The following EPHA6 variants were observed in gnomAD, a reference collection of about 807,000 sequenced individuals.
EPHA6 encodes ephrin type-A receptor 6.
A neutral mutation model predicts 112.0 loss-of-function variants in EPHA6; 50 were observed. The ratio of observed to expected loss-of-function variants is 0.45; its 90% CI spans 0.36 to 0.56. EPHA6 has a LOEUF of 0.56. Among genes scored for constraint, EPHA6 ranks in the 20% least tolerant of loss-of-function variants. The probability of loss-of-function intolerance (pLI) is 0.00; values close to 1 mark genes in which losing one functional copy is unlikely to be tolerated. For synonymous variants in EPHA6, 529 were observed against 490.7 expected (o/e 1.08, Z -1.03); for missense variants, 1,280 against 1,417.4 (o/e 0.90, Z 1.56).
At chr3:97,154,123 C>T (rs2076234218) in intron 3 of EPHA6, among the ~76,000 whole-genome samples, 1 of 151,432 alleles carries the variant, frequency 6.6e-6, no homozygotes, top group Non-Finnish European at 1.5e-5. Flanking sequence ...CGAGATCATG[C>T]CATTGCACCC....
intron 2 of EPHA6, among the ~76,000 whole-genome samples, chr3:96,922,552 A>T (rs1285581967): frequency 1.3e-5 from 2 of 152,250 alleles, no homozygotes; most frequent in Non-Finnish European, 2.9e-5. Context: ...ATTTAGAATT[A>T]AAATGTTATG....
At chr3:97,558,497 A>G (rs566166531) in intron 11 of EPHA6, among the ~76,000 whole-genome samples, 1 of 152,022 alleles carries the variant, frequency 6.6e-6, no homozygotes, top group East Asian at 1.9e-4. Flanking sequence ...ATCTCTCCCA[A>G]TGCTATGAGT....
chr3:97,294,489 TC>T (rs1252477730), intron 5 of EPHA6, among the ~76,000 whole-genome samples: 2 of 152,270 alleles, frequency 1.3e-5, no homozygotes, highest in African/African-American at 4.8e-5. Context: ...TCTATATTTT[TC>T]AGTAGAAAAT....
chr3:97,344,706 A>G (rs1042980288), intron 5 of EPHA6, among the ~76,000 whole-genome samples: 2 of 152,170 alleles, frequency 1.3e-5, no homozygotes, highest in Admixed American at 6.6e-5. Context: ...CATTGTCAGT[A>G]CGTGATATTG....
chr3:97,107,396 A>G (rs1295974501), intron 3 of EPHA6, among the ~76,000 whole-genome samples: 1 of 151,850 alleles, frequency 6.6e-6, no homozygotes, highest in African/African-American at 2.4e-5. Context: ...GTCTGTTTAT[A>G]CTTTTGTTAT....
intron 3 of EPHA6, among the ~76,000 whole-genome samples, chr3:97,066,434 T>C (rs2046180927): frequency 6.6e-6 from 1 of 152,186 alleles, no homozygotes; most frequent in South Asian, 2.1e-4. Flanking sequence ...TCATTTATAC[T>C]ATTGACTTCA....
chr3:97,290,930 G>A (rs1232036605), intron 5 of EPHA6, among the ~76,000 whole-genome samples: 1 of 151,664 alleles, frequency 6.6e-6, no homozygotes, highest in Non-Finnish European at 1.5e-5. Flanking sequence ...TAACCATTTA[G>A]GGTTTAATGT....
intron 11 of EPHA6, among the ~76,000 whole-genome samples, chr3:97,574,463 A>C (rs2093364391): frequency 6.6e-6 from 1 of 152,146 alleles, no homozygotes. Context: ...ATATAAGAAA[A>C]AGCTACACAG....
At chr3:97,690,489 C>T (rs1313954542) in intron 14 of EPHA6, among the ~76,000 whole-genome samples, 40 of 147,648 alleles carry the variant, frequency 2.7e-4, no homozygotes, top group African/African-American at 9.8e-4. Flanking sequence ...TTTTTGGAGA[C>T]AGAGTTTCAC....
chr3:96,842,240 A>G lies in EPHA6; in HGVS notation c.386-24585A>G, dbSNP rs570668379. Among the ~76,000 whole-genome samples the G allele has an allele frequency of 1.2e-3, 189 of 152,268 alleles. 3 individuals carry two copies. The South Asian group carries it at 0.031, about 25-fold the overall frequency. On this transcript the variant is annotated intron_variant, in intron 1 of 17. Coordinates refer to ENST00000389672, the MANE Select transcript of EPHA6 (RefSeq NM_001080448.3). ...GAACTAGAAATGCTTTCAATTTCAT[A>G]CAATAACATGGAAAATCTCATCCTA...
At chr3:97,504,119 G>A (rs1456477004) in intron 10 of EPHA6, among the ~76,000 whole-genome samples, 4 of 152,068 alleles carry the variant, frequency 2.6e-5, no homozygotes, top group Non-Finnish European at 5.9e-5. Context: ...ATTCACAATA[G>A]CAAAAACTAG....
At chr3:96,909,308 A>G (rs2039096593) in intron 2 of EPHA6, among the ~76,000 whole-genome samples, 1 of 152,004 alleles carries the variant, frequency 6.6e-6, no homozygotes, top group Non-Finnish European at 1.5e-5. Flanking sequence ...AAGCTAGTCC[A>G]GTAGATCTAT....
chr3:97,259,273 C>A (rs1444394284), intron 5 of EPHA6, among the ~76,000 whole-genome samples: 1 of 152,062 alleles, frequency 6.6e-6, no homozygotes, highest in Non-Finnish European at 1.5e-5. Context: ...AATTTTAATT[C>A]TTTAGGCATA....
intron 12 of EPHA6, among the ~76,000 whole-genome samples, chr3:97,610,173 T>A (rs1472629495): frequency 6.6e-6 from 1 of 151,594 alleles, no homozygotes; most frequent in Admixed American, 6.6e-5. Flanking sequence ...GCTCTGTTGA[T>A]TAAATCTATG....
intron 5 of EPHA6, among the ~76,000 whole-genome samples, chr3:97,309,689 A>G (rs1343136675): frequency 2.0e-5 from 3 of 151,638 alleles, no homozygotes; most frequent in African/African-American, 7.2e-5. Flanking sequence ...CACTAATTAG[A>G]AGATACATTT....
At chr3:97,710,887 A>T (rs934660619) in intron 14 of EPHA6, among the ~76,000 whole-genome samples, 1 of 152,232 alleles carries the variant, frequency 6.6e-6, no homozygotes, top group Non-Finnish European at 1.5e-5. Flanking sequence ...GAGTTTGCAA[A>T]TACTACTAGT....
chr3:97,582,763 A>T (rs2093450432), intron 11 of EPHA6, among the ~76,000 whole-genome samples: 1 of 152,128 alleles, frequency 6.6e-6, no homozygotes, highest in Non-Finnish European at 1.5e-5. Flanking sequence ...CATCTCATCC[A>T]CACCATATAG....
At chr3:97,218,516 C>G (rs2078098332) in intron 3 of EPHA6, among the ~76,000 whole-genome samples, 2 of 152,018 alleles carry the variant, frequency 1.3e-5, no homozygotes. Context: ...GGAAGAGCCC[C>G]TTATAAAACT....
At chr3:96,914,163 A>T (rs994193445) in intron 2 of EPHA6, among the ~76,000 whole-genome samples, 2 of 152,250 alleles carry the variant, frequency 1.3e-5, no homozygotes, top group South Asian at 2.1e-4. Flanking sequence ...CAGTTTTTTT[A>T]AAGTATAGTT....
Sources: allele counts gnomAD v4.1 joint callset (sites outside exome capture counted in the v4.1 genomes callset), GRCh38; gene constraint gnomAD v4.1.1; transcripts MANE v1.5; gene names NCBI Gene and HGNC (gene_info 2026-07-23, HGNC 2026-07-21).